The following RPRD1A variants were observed in gnomAD, a reference collection of about 807,000 sequenced individuals.
RPRD1A encodes regulation of nuclear pre-mRNA domain-containing protein 1A.
RPRD1A carries 9 observed loss-of-function variants against 37.8 expected under a neutral mutation model. That is an observed-to-expected ratio of 0.24 (90% CI 0.14 to 0.42). The LOEUF (loss-of-function observed/expected upper bound fraction) is 0.42, where lower values mean the gene tolerates loss of function less well. Ranked by LOEUF, RPRD1A falls within the 10% of genes least tolerant of loss-of-function variation. The probability of loss-of-function intolerance (pLI) is 1.00; values close to 1 mark genes in which losing one functional copy is unlikely to be tolerated. For synonymous variants in RPRD1A, 138 were observed against 139.7 expected, an observed-to-expected ratio of 0.99 and a Z score of 0.08; for missense variants, 255 against 371.0, an observed-to-expected ratio of 0.69 and a Z score of 2.57.
At chr18:36,012,725 C>CT (rs1456724646) in intron 6 of RPRD1A, among the ~76,000 whole-genome samples, 2 of 152,340 alleles carry the variant, frequency 1.3e-5, no homozygotes, top group African/African-American at 4.8e-5. Context: ...CAGGCATTCA[C>CT]TATGGGTCTT....
rs148549748 is a variant in RPRD1A at position 36,043,090 on chromosome 18, G to C, written c.152-9253C>G. 3.5e-3 allele frequency among the ~76,000 whole-genome samples: 511 copies of C among 147,188 alleles called. 1 individual carries two copies. Among genetic ancestry groups the C allele is most frequent in the Non-Finnish European group, 4.9e-3 (328 of 67,484 alleles). On this transcript the variant is annotated intron_variant, in intron 1 of 6. Transcript: ENST00000399022. ...TCTGCAGCTGTTCAAAAATGAAAGC[G>C]ATTGATGTATTGATATGGAAAAATA...
At chr18:36,010,361 T>A (rs948125957) in intron 6 of RPRD1A, among the ~76,000 whole-genome samples, 2 of 151,834 alleles carry the variant, frequency 1.3e-5, no homozygotes, top group African/African-American at 4.8e-5. Flanking sequence ...GGTGTGGTAG[T>A]GTGTGCCTGT....
chr18:36,030,739 A>T, intron 4 of RPRD1A, 69 bp downstream of exon 4: 1 of 943,292 alleles, frequency 1.1e-6, no homozygotes. Flanking sequence ...AAGTGAAACG[A>T]AATTAATAAA....
chr18:36,012,845 T>C (rs1226132503), intron 6 of RPRD1A, among the ~76,000 whole-genome samples: 2 of 152,248 alleles, frequency 1.3e-5, no homozygotes, highest in Non-Finnish European at 2.9e-5. Flanking sequence ...TTAATGTTTA[T>C]TAGTAGGCTA....
intron 4 of RPRD1A, among the ~76,000 whole-genome samples, chr18:36,029,962 C>A (rs992461135): frequency 6.6e-6 from 1 of 151,546 alleles, no homozygotes; most frequent in Non-Finnish European, 1.5e-5. Context: ...CCCGCCACCA[C>A]GCCCAGCTAA....
intron 1 of RPRD1A, among the ~76,000 whole-genome samples, chr18:36,045,258 T>TA (rs1357457578): frequency 2.6e-5 from 4 of 151,632 alleles, no homozygotes; most frequent in African/African-American, 9.7e-5. Flanking sequence ...AAATATATAT[T>TA]AAAAAATAGA....
intron 6 of RPRD1A, among the ~76,000 whole-genome samples, chr18:36,005,307 A>T (rs1408481839): frequency 2.0e-5 from 3 of 152,154 alleles, no homozygotes; most frequent in Admixed American, 2.0e-4. Context: ...TCTCAAAAAA[A>T]ATAAAATAAA....
At chr18:36,051,058 T>G (rs1303839315) in intron 1 of RPRD1A, among the ~76,000 whole-genome samples, 1 of 152,106 alleles carries the variant, frequency 6.6e-6, no homozygotes, top group Non-Finnish European at 1.5e-5. Context: ...TTGGTGGTCT[T>G]GCTGTGTATG....
intron 1 of RPRD1A, among the ~76,000 whole-genome samples, chr18:36,051,721 A>G (rs1247040221): frequency 6.6e-6 from 1 of 152,186 alleles, no homozygotes; most frequent in Non-Finnish European, 1.5e-5. Context: ...ACAACAGTTA[A>G]AAGTACATGA....
At chr18:36,013,680 C>T (rs1466453075) in intron 6 of RPRD1A, among the ~76,000 whole-genome samples, 1 of 152,036 alleles carries the variant, frequency 6.6e-6, no homozygotes, top group Non-Finnish European at 1.5e-5. Flanking sequence ...TTCATGACAT[C>T]TTTATTTTTA....
chr18:36,002,346 G>C (rs1909475374), intron 6 of RPRD1A, among the ~76,000 whole-genome samples: 1 of 152,080 alleles, frequency 6.6e-6, no homozygotes, highest in Non-Finnish European at 1.5e-5. Context: ...AGTTTCTATA[G>C]ACCTAGTCTT....
rs547683142 is a variant in RPRD1A, at chr18:36,022,794, T to C, written c.789+4106A>G. On this transcript the variant is annotated intron_variant, in intron 6 of 6. Transcript: ENST00000399022. The stretch of plus-strand genomic sequence containing the variant: ...CTGGGCAACACAGCAAGAACTCTTC[T>C]TTACAAAACATTTAAAAATTAGCCA... Among the ~76,000 whole-genome samples the C allele has an allele frequency of 9.9e-5, 15 of 152,246 alleles. No homozygotes were observed. The South Asian group carries it at 3.1e-3, about 32-fold the overall frequency.
intron 1 of RPRD1A, among the ~76,000 whole-genome samples, chr18:36,039,442 T>C (rs926725458): frequency 2.0e-5 from 3 of 152,136 alleles, no homozygotes; most frequent in African/African-American, 7.2e-5. Context: ...AAACAATTCA[T>C]CTAAAAGATC....
chr18:36,008,589 A>ATATATATATATATATATATAATC lies in RPRD1A; in HGVS notation c.790-15290_790-15289insGATTATATATATATATATATATA, dbSNP rs71381561. The stretch of plus-strand genomic sequence containing the variant: ...AGACCTTGTGTGTGTATATATATAT[A>ATATATATATATATATATATAATC]TCTTTAAAAATCTCTCTAGGAAAAA... On this transcript the variant is annotated intron_variant, in intron 6 of 6. Coordinates refer to ENST00000399022, the MANE Select transcript of RPRD1A (RefSeq NM_018170.5). Among the ~76,000 whole-genome samples, 23 of 90,828 alleles carry ATATATATATATATATATATAATC rather than the reference A, an allele frequency of 2.5e-4. 4 individuals are homozygous for ATATATATATATATATATATAATC. The East Asian group carries it at 6.9e-3, about 27-fold the overall frequency. 59.6% of individuals were successfully genotyped at this position (90,828 alleles called of 152,430 possible). A position where few individuals can be genotyped will look rare whatever the true frequency, so the allele number is the denominator to read the frequency against.
At chr18:36,041,352 T>C (rs1301471222) in intron 1 of RPRD1A, among the ~76,000 whole-genome samples, 3 of 152,266 alleles carry the variant, frequency 2.0e-5, no homozygotes, top group East Asian at 1.9e-4. Flanking sequence ...GGTATCCTCA[T>C]GCTATCTTAA....
chr18:36,029,127 T>A (rs1042980351), intron 4 of RPRD1A, among the ~76,000 whole-genome samples: 1 of 152,238 alleles, frequency 6.6e-6, no homozygotes, highest in Non-Finnish European at 1.5e-5. Context: ...TTGTCCATAG[T>A]GGCCAATGGG....
intron 6 of RPRD1A, among the ~76,000 whole-genome samples, chr18:36,021,243 T>C (rs999577177): frequency 6.6e-6 from 1 of 152,218 alleles, no homozygotes; most frequent in Admixed American, 6.5e-5. Context: ...TGTTTTCTTA[T>C]AAGCTGAGTT....
chr18:36,050,177 A>C (rs2144373599), intron 1 of RPRD1A, among the ~76,000 whole-genome samples: 1 of 152,200 alleles, frequency 6.6e-6, no homozygotes, highest in South Asian at 2.1e-4. Flanking sequence ...TACACAACTG[A>C]ATGTACTTAA....
At chr18:36,008,589 A>ATATATATCTC (rs71381561) in intron 6 of RPRD1A, among the ~76,000 whole-genome samples, 1 of 90,826 alleles carries the variant, frequency 1.1e-5, no homozygotes, top group Non-Finnish European at 2.2e-5. Context: ...ATATATATAT[A>ATATATATCTC]TCTTTAAAAA....
Sources: allele counts gnomAD v4.1 joint callset (sites outside exome capture counted in the v4.1 genomes callset), GRCh38; gene constraint gnomAD v4.1.1; transcripts MANE v1.5; gene names NCBI Gene and HGNC (gene_info 2026-07-23, HGNC 2026-07-21).